Variants in EIF2D observed in about 807,000 individuals in gnomAD.
EIF2D encodes the protein hepatocellular carcinoma-associated antigen 56.
In EIF2D, 56 loss-of-function variants were observed where a neutral mutation model predicts 77.4. The ratio of observed to expected loss-of-function variants is 0.72; its 90% CI spans 0.58 to 0.90. The LOEUF (loss-of-function observed/expected upper bound fraction) is 0.90, where lower values mean the gene tolerates loss of function less well. Among genes scored for constraint, EIF2D ranks in the 40% least tolerant of loss-of-function variants. The probability of loss-of-function intolerance (pLI) is 0.00; values close to 1 mark genes in which losing one functional copy is unlikely to be tolerated. For missense variants in EIF2D, 574 were observed against 706.5 expected, an observed-to-expected ratio of 0.81 and a Z score of 2.13; for synonymous variants, 230 against 271.0, an observed-to-expected ratio of 0.85 and a Z score of 1.49.
In EIF2D at chr1:206,595,772, T is replaced by C. The variant is rs1553409920; in HGVS notation, c.1455A>G (p.Lys485=). Residue 485 remains lysine (K), a synonymous_variant, in exon 13 of 15, where the codon AAA becomes AAG. Transcript: ENST00000271764. The part of the protein sequence containing the change: ...TLPGQEPIVK[K]GRICPIDITL... ...TGATGTCAATTGGACAGATTCTCCC[T>C]TTCTTCACAATGGGCTCTTGTCCGG... The C allele has an allele frequency of 3.7e-6, 6 of 1,614,244 alleles. No individual in the cohort carries two copies. The highest frequency in any genetic ancestry group is 3.3e-5 in the South Asian group (3 of 91,092).
At chr1:206,585,110 C>A in intron 2 of EIF2D, 1 of 1,184,706 alleles carries the variant, frequency 8.4e-7, no homozygotes. Flanking sequence ...ATTTCCAATC[C>A]TTTCCCGCAA....
chr1:206,608,895 T>C lies in EIF2D; in HGVS notation c.331+481A>G, dbSNP rs555890103. Among the ~76,000 whole-genome samples the C allele has an allele frequency of 3.9e-5, 6 of 152,130 alleles. No homozygotes were observed. In the East Asian group the frequency reaches 9.7e-4, roughly 25 times the overall value. On this transcript the variant is annotated intron_variant, in intron 3 of 14. Coordinates refer to ENST00000271764, the MANE Select transcript of EIF2D (RefSeq NM_006893.3). ...GATGAAACCCTGTCTCTACTAAAAA[T>C]ACAAAAATTAGCCAGGCGTGGTGAT...
chr1:206,589,970 T>C, downstream of EIF2D, among the ~76,000 whole-genome samples: 1 of 152,252 alleles, frequency 6.6e-6, no homozygotes, highest in East Asian at 1.9e-4. Flanking sequence ...TATCTTTCAA[T>C]GATTTTGCCA....
At chr1:206,611,505 G>C in intron 1 of EIF2D, 131 bp from the exon 2 acceptor site, 1 of 659,318 alleles carries the variant, frequency 1.5e-6, no homozygotes, top group South Asian at 2.1e-5. Context: ...TGATGTCCTA[G>C]TCTCACACAC....
chr1:206,583,070 C>T, intron 2 of EIF2D: 1 of 523,804 alleles, frequency 1.9e-6, no homozygotes, highest in Middle Eastern at 4.7e-4. Flanking sequence ...TGAGTTACTT[C>T]TCCAGGAGGG....
intron 2 of EIF2D, chr1:206,585,215 C>A (rs1553407363): frequency 6.2e-7 from 1 of 1,614,212 alleles, no homozygotes; most frequent in Admixed American, 1.7e-5. Context: ...TGACCGCCCC[C>A]TCTACCTGCG....
chr1:206,576,383 A>G (rs1256236676), intron 4 of EIF2D, among the ~76,000 whole-genome samples: 1 of 152,200 alleles, frequency 6.6e-6, no homozygotes, highest in Non-Finnish European at 1.5e-5. Flanking sequence ...GTCTACCTCC[A>G]TCCCTACCCC....
chr1:206,597,589 G>T (rs1412588814), intron 11 of EIF2D, among the ~76,000 whole-genome samples: 2 of 152,170 alleles, frequency 1.3e-5, no homozygotes, highest in Admixed American at 6.5e-5. Context: ...GGCTGAGGCG[G>T]GAGGATCACC....
At position 206,597,873 on chromosome 1, in the gene EIF2D, A is replaced by G. The variant is rs545644008; in HGVS notation, c.1293-678T>C. Reference sequence around the variant, plus strand: ...GGCAGGAGAATCGCTTGAACCTGGGAGGCAGAGGTTGCAGTGAGCACAGAT... The same window carrying G: ...GGCAGGAGAATCGCTTGAACCTGGGGGGCAGAGGTTGCAGTGAGCACAGAT... On this transcript the variant is annotated intron_variant, in intron 11 of 14. Transcript: ENST00000271764. Among the ~76,000 whole-genome samples the G allele has an allele frequency of 2.0e-5, 3 of 152,224 alleles. No individual in the cohort carries two copies. In the South Asian group the frequency reaches 6.2e-4, roughly 32 times the overall value.
Position 206,599,203 on chromosome 1 carries a change from C to CTCTA in EIF2D, c.1203-115_1203-112dup, listed in dbSNP as rs1669801163. 2.8e-6 allele frequency: 3 copies of CTCTA among 1,066,142 alleles called. No homozygotes were observed. The highest frequency in any genetic ancestry group is 4.1e-6 in the Non-Finnish European group (3 of 727,310). The allele number at this position is 1,066,142 out of a possible 1,614,324, so 66.0% of individuals were successfully genotyped here. On this transcript the variant is annotated intron_variant, in intron 10 of 14. Coordinates refer to ENST00000271764, the MANE Select transcript of EIF2D (RefSeq NM_006893.3). This position sits in a 1 kb window ranked among gnomAD's most constrained non-coding sequence, Gnocchi z 4.1. Reference sequence around the variant, plus strand: ...CAGGGAACTTTCCTTAGCTTTCGGCCTCTAGTTTCTTCCCTTTTCCTGACT... The same window carrying CTCTA: ...CAGGGAACTTTCCTTAGCTTTCGGCCTCTATCTAGTTTCTTCCCTTTTCCTGACT...
Position 206,579,047 on chromosome 1 carries a change from G to A in EIF2D, c.*254+1645C>T, listed in dbSNP as rs1482268960. Among the ~76,000 whole-genome samples the A allele has an allele frequency of 6.6e-6, 1 of 152,104 alleles. No homozygotes were observed. The highest frequency in any genetic ancestry group is 1.5e-5 in the Non-Finnish European group (1 of 68,018). On this transcript the variant is annotated intron_variant and NMD_transcript_variant, in intron 4 of 5. Coordinates refer to the EIF2D transcript ENST00000472709. The surrounding 1 kb of genome is among the most constrained non-coding windows in gnomAD (Gnocchi z 4.2). Reference sequence around the variant, plus strand: ...TCACTCAGGGTCGGGGTGTCGCTGTGAACCCCTAGCACCCAGCCTCTTTAC... The same window carrying A: ...TCACTCAGGGTCGGGGTGTCGCTGTAAACCCCTAGCACCCAGCCTCTTTAC...
rs979071537 is a variant in EIF2D at position 206,612,414 on chromosome 1, G to A, written c.-72C>T. 1.0e-4 allele frequency: 166 copies of A among 1,596,720 alleles called. No homozygotes were observed. Among genetic ancestry groups the A allele is most frequent in the Non-Finnish European group, 1.3e-4 (155 of 1,164,960 alleles). On this transcript the variant is annotated 5_prime_UTR_variant, in exon 1 of 15. Transcript: ENST00000271764. ...TCAAGAAAGCGAGGGCGCAGCAGCT[G>A]CCAGGCCCTCAGCCGTGGGGGCAGC...
At chr1:206,575,953 G>A (rs1277127200) in intron 4 of EIF2D, among the ~76,000 whole-genome samples, 1 of 152,192 alleles carries the variant, frequency 6.6e-6, no homozygotes, top group Non-Finnish European at 1.5e-5. Flanking sequence ...GGTCTGGGGT[G>A]GGCTCTGGCC....
In EIF2D at chr1:206,591,675, A is replaced by AATT; in HGVS notation, c.*97_*99dup. On this transcript the variant is annotated 3_prime_UTR_variant, in exon 15 of 15. Coordinates refer to ENST00000271764, the MANE Select transcript of EIF2D (RefSeq NM_006893.3). ...AGAATAAAAATTTATTTTTGTAAAG[A>AATT]ATTATATTTTGTATTTGCAAAAGCT... The AATT allele has an allele frequency of 1.9e-6, 2 of 1,077,154 alleles. No homozygotes were observed. Among genetic ancestry groups the AATT allele is most frequent in the South Asian group, 2.7e-5 (2 of 74,968 alleles). 66.7% of individuals were successfully genotyped at this position (1,077,154 alleles called of 1,614,324 possible). A position where few individuals can be genotyped will look rare whatever the true frequency, so the allele number is the denominator to read the frequency against.
chr1:206,603,117 C>T lies in EIF2D; in HGVS notation c.618G>A (p.Gln206=), dbSNP rs782617886. 10 of 1,614,200 alleles carry T rather than the reference C, an allele frequency of 6.2e-6. No homozygotes were observed. The South Asian group carries it at 9.9e-5, about 16-fold the overall frequency. ...ADLSEEKGSV[Q]MDSTLQGDMR... is the part of the protein sequence containing the mutation. Reference sequence around the variant, plus strand: ...TGTCTCCCTGCAGGGTGGAGTCCATCTGGACAGACCCCTTCTCTTCACTGA... The same window carrying T: ...TGTCTCCCTGCAGGGTGGAGTCCATTTGGACAGACCCCTTCTCTTCACTGA... The change falls in exon 6 of 15, where the codon CAG becomes CAA. Residue 206 remains glutamine (Q), a synonymous_variant. Coordinates refer to ENST00000271764, the MANE Select transcript of EIF2D (RefSeq NM_006893.3).
At chr1:206,586,736 G>T, downstream of EIF2D, 1 of 973,086 alleles carries the variant, frequency 1.0e-6, no homozygotes, top group South Asian at 1.5e-5. Flanking sequence ...GAACTGGGAA[G>T]GGGAAGGCAG....
At chr1:206,590,428 A>T (rs1261843809), downstream of EIF2D, among the ~76,000 whole-genome samples, 1 of 152,244 alleles carries the variant, frequency 6.6e-6, no homozygotes, top group Non-Finnish European at 1.5e-5. Flanking sequence ...AACTTTGCAC[A>T]GTGCTATATT....
At chr1:206,597,985 G>A (rs1331075386) in intron 11 of EIF2D, among the ~76,000 whole-genome samples, 1 of 152,096 alleles carries the variant, frequency 6.6e-6, no homozygotes, top group East Asian at 1.9e-4. Context: ...GAAGGTATTA[G>A]ATTAGGCTGG....
chr1:206,582,382 G>A (rs782631534), intron 2 of EIF2D, among the ~76,000 whole-genome samples: 1 of 152,198 alleles, frequency 6.6e-6, no homozygotes, highest in Non-Finnish European at 1.5e-5. Context: ...GACAGACCTG[G>A]AATTTCTGTT....
Sources: allele counts gnomAD v4.1 joint callset (sites outside exome capture counted in the v4.1 genomes callset), GRCh38; gene constraint gnomAD v4.1.1; non-coding constraint Gnocchi (gnomAD v3.1); transcripts MANE v1.5; gene names NCBI Gene and HGNC (gene_info 2026-07-23, HGNC 2026-07-21).